MARK2: variants seen among roughly 807,000 people sequenced by gnomAD.
MARK2 encodes the protein serine/threonine-protein kinase MARK2.
In MARK2, 16 loss-of-function variants were observed where a neutral mutation model predicts 89.8. The observed-to-expected ratio is 0.18, with a 90% CI of 0.12 to 0.27. The LOEUF is 0.27. MARK2 is among the 10% of genes least tolerant of loss of function. The pLI is 1.00. For synonymous variants in MARK2, 382 were observed against 399.5 expected (o/e 0.96, Z 0.52); for missense variants, 621 against 1,049.9 (o/e 0.59, Z 5.65).
At chr11:63,843,722 C>G (rs988021083) in intron 1 of MARK2, among the ~76,000 whole-genome samples, 1 of 151,930 alleles carries the variant, frequency 6.6e-6, no homozygotes, top group Non-Finnish European at 1.5e-5. Flanking sequence ...CCTCCCGGGT[C>G]AAGCGATTCT....
intron 1 of MARK2, chr11:63,888,898 G>C: frequency 7.4e-7 from 1 of 1,347,398 alleles, no homozygotes; most frequent in Non-Finnish European, 9.8e-7. Context: ...CTCGCTGCCT[G>C]ACAGGTTCTG....
chr11:63,895,042 A>G (rs1940251536), intron 1 of MARK2, 117 bp from the exon 2 acceptor site: 3 of 742,448 alleles, frequency 4.0e-6, no homozygotes, highest in South Asian at 3.7e-5. Flanking sequence ...CATTCTTCAC[A>G]TGCCTACCAG....
chr11:63,909,051 G>A lies in MARK2; in HGVS notation c.2181G>A (p.Leu727=), dbSNP rs766112402. 6.2e-7 allele frequency: 1 copy of A among 1,603,928 alleles called. No homozygotes were observed. Among genetic ancestry groups the A allele is most frequent in the Non-Finnish European group, 8.5e-7 (1 of 1,171,608 alleles). Residue 727 remains leucine (L), a synonymous_variant, in exon 19 of 19, where the codon CTG becomes CTA. Coordinates refer to ENST00000402010, the MANE Select transcript of MARK2 (RefSeq NM_001039469.3). ...VLDANSCQSE[L]HEKYMLLCMH... ...ACGCGAACAGCTGCCAGAGCGAGCTGCATGAGAAGTACATGCTGCTGTGCA... is the reference window on the plus strand; with the variant it reads ...ACGCGAACAGCTGCCAGAGCGAGCTACATGAGAAGTACATGCTGCTGTGCA...
chr11:63,881,412 G>C (rs1323162480), intron 1 of MARK2, among the ~76,000 whole-genome samples: 1 of 152,154 alleles, frequency 6.6e-6, no homozygotes, highest in African/African-American at 2.4e-5. Context: ...AGGGGAAATG[G>C]GGCTGGTAGC....
At chr11:63,886,242 T>A (rs1182648687) in intron 1 of MARK2, among the ~76,000 whole-genome samples, 1 of 152,088 alleles carries the variant, frequency 6.6e-6, no homozygotes, top group Non-Finnish European at 1.5e-5. Flanking sequence ...TTATCCTGCC[T>A]TAGCCTCCCG....
At chr11:63,862,509 C>G (rs868064923) in intron 1 of MARK2, among the ~76,000 whole-genome samples, 7 of 152,270 alleles carry the variant, frequency 4.6e-5, no homozygotes, top group Middle Eastern at 6.8e-3. Flanking sequence ...CCAGTTGTTT[C>G]TTTTGTCCTT....
At chr11:63,845,726 G>C (rs907645471) in intron 1 of MARK2, among the ~76,000 whole-genome samples, 3 of 152,038 alleles carry the variant, frequency 2.0e-5, no homozygotes, top group Non-Finnish European at 4.4e-5. Flanking sequence ...GAAGGTCATT[G>C]CTCGTCTTTT....
intron 1 of MARK2, among the ~76,000 whole-genome samples, chr11:63,883,342 C>T (rs1939212316): frequency 6.6e-6 from 1 of 152,112 alleles, no homozygotes; most frequent in African/African-American, 2.4e-5. Context: ...ATTGCCCAGC[C>T]ATGGCAGAAT....
intron 11 of MARK2, among the ~76,000 whole-genome samples, chr11:63,901,692 C>CTGTGTG (rs56308004): frequency 0.01 from 1,354 of 134,792 alleles, 18 homozygotes; most frequent in African/African-American, 0.031. Context: ...GTGTGTGTAT[C>CTGTGTG]TGTGTGTGTG....
chr11:63,904,333 C>G lies in MARK2; in HGVS notation c.1676+186C>G, dbSNP rs1941148948. Among the ~76,000 whole-genome samples, 1 of 152,190 alleles carries G rather than the reference C, an allele frequency of 6.6e-6. No individual in the cohort carries two copies. Among genetic ancestry groups the G allele is most frequent in the South Asian group, 2.1e-4 (1 of 4,834 alleles). On this transcript the variant is annotated intron_variant, in intron 15 of 18. Coordinates refer to ENST00000402010, the MANE Select transcript of MARK2 (RefSeq NM_001039469.3). This position sits in a 1 kb window ranked among gnomAD's most constrained non-coding sequence, Gnocchi z 6.3. The stretch of plus-strand genomic sequence containing the variant: ...AAAAGAGCATTAATGCCCCTCTTTT[C>G]CAGTTCTCCCTCTCAGAACAGGTAT...
At chr11:63,863,955 T>G (rs932939356) in intron 1 of MARK2, among the ~76,000 whole-genome samples, 1 of 151,842 alleles carries the variant, frequency 6.6e-6, no homozygotes, top group East Asian at 1.9e-4. Context: ...TATTTTTATT[T>G]ATTTATTTAT....
chr11:63,862,209 G>A (rs1937845283), intron 1 of MARK2, among the ~76,000 whole-genome samples: 1 of 152,168 alleles, frequency 6.6e-6, no homozygotes, highest in Non-Finnish European at 1.5e-5. Flanking sequence ...ACAGGCATGA[G>A]CCACCATGCC....
At chr11:63,893,011 C>T (rs1940029636) in intron 1 of MARK2, among the ~76,000 whole-genome samples, 1 of 149,862 alleles carries the variant, frequency 6.7e-6, no homozygotes, top group Admixed American at 6.7e-5. Flanking sequence ...TGGGTTCAAG[C>T]AATTCTCCTG....
At chr11:63,850,315 A>ATTTTTTTTTTTTTTT (rs34074167) in intron 1 of MARK2, among the ~76,000 whole-genome samples, 16 of 95,762 alleles carry the variant, frequency 1.7e-4, no homozygotes, top group South Asian at 3.8e-4. Context: ...TACCTGGCTA[A>ATTTTTTTTTTTTTTT]TTTTTTTTTT....
intron 1 of MARK2, among the ~76,000 whole-genome samples, chr11:63,856,178 C>A (rs2016826485): frequency 1.3e-5 from 2 of 152,124 alleles, no homozygotes; most frequent in South Asian, 4.1e-4. Flanking sequence ...CTGCCTGGGC[C>A]TCAAAGAGGC....
Position 63,901,805 on chromosome 11 carries a change from A to G in MARK2, c.1102-393A>G, listed in dbSNP as rs183083704. ...TTTGGGTTTTGTTCATCATCTGAGT[A>G]TCCCCACATGAACTCCCAGCCTCCC... On this transcript the variant is annotated intron_variant, in intron 11 of 18. Transcript: ENST00000402010. 8.6e-5 allele frequency among the ~76,000 whole-genome samples: 13 copies of G among 151,486 alleles called. No individual in the cohort carries two copies. The East Asian group carries it at 2.3e-3, about 27-fold the overall frequency.
intron 17 of MARK2, 26 bp downstream of exon 17, chr11:63,906,140 TG>T: frequency 3.9e-6 from 5 of 1,291,222 alleles, no homozygotes; most frequent in Non-Finnish European, 4.9e-6. Flanking sequence ...GCTGTGTGTG[TG>T]TGTGTGTGTG....
At chr11:63,856,766 ATGTTTTTTTT>A (rs2016874564) in intron 1 of MARK2, among the ~76,000 whole-genome samples, 1 of 41,328 alleles carries the variant, frequency 2.4e-5, no homozygotes, top group African/African-American at 7.9e-5. Context: ...TAAATTTTTC[ATGTTTTTTTT>A]TTTTTTTTTT....
intron 1 of MARK2, among the ~76,000 whole-genome samples, chr11:63,843,718 G>T (rs991427395): frequency 6.6e-6 from 1 of 151,774 alleles, no homozygotes; most frequent in Non-Finnish European, 1.5e-5. Context: ...TCCGCCTCCC[G>T]GGTCAAGCGA....
Sources: gnomAD v4.1 joint callset for allele counts (sites outside exome capture counted in the v4.1 genomes callset) on GRCh38, gnomAD v4.1.1 for gene constraint, Gnocchi (gnomAD v3.1) non-coding constraint, MANE v1.5 for transcripts, NCBI Gene and HGNC (gene_info 2026-07-23, HGNC 2026-07-21) for gene names.